Variants in ITM2C observed in about 807,000 individuals in gnomAD.
ITM2C encodes the protein BRICHOS domain containing 2C.
Under a neutral mutation model 30.0 loss-of-function variants are expected in ITM2C, and 20 were observed. That is an observed-to-expected ratio of 0.67 (90% CI 0.47 to 0.97). The LOEUF is 0.97. Ranked by LOEUF, ITM2C falls within the 50% of genes least tolerant of loss-of-function variation. The pLI is 0.00. For synonymous variants in ITM2C, 167 were observed against 156.4 expected (o/e 1.07, Z -0.51); for missense variants, 366 against 371.9 (o/e 0.98, Z 0.13).
chr2:230,871,632 C>T, intron 1 of ITM2C, among the ~76,000 whole-genome samples: 1 of 152,230 alleles, frequency 6.6e-6, no homozygotes, highest in East Asian at 1.9e-4. Flanking sequence ...GCCCCGGCCT[C>T]CTCATGGGCC....
intron 3 of ITM2C, 26 bp downstream of exon 3, chr2:230,875,834 GGGGGGT>G: frequency 2.5e-6 from 1 of 400,352 alleles, no homozygotes; most frequent in Non-Finnish European, 4.9e-6. Flanking sequence ...GCCTGGGGGT[GGGGGGT>G]GGGAGGGTGT....
chr2:230,875,591 C>T (rs1254354003), intron 2 of ITM2C, 29 bp from the exon 3 acceptor site: 2 of 1,563,484 alleles, frequency 1.3e-6, no homozygotes, highest in Non-Finnish European at 1.7e-6. Context: ...GCCTCTCTGA[C>T]TGTCTGTCTG....
In ITM2C at chr2:230,877,851, C is replaced by T. The variant is rs976984546; in HGVS notation, c.713-157C>T. ...GTGGCAGACATGGGCAGGCTGACTC[C>T]AGCTTTCGAGCTCTCCCCATTTCTC... On this transcript the variant is annotated intron_variant, in intron 5 of 5. Coordinates refer to ENST00000326427, the MANE Select transcript of ITM2C (RefSeq NM_030926.6). This position sits in a 1 kb window ranked among gnomAD's most constrained non-coding sequence, Gnocchi z 4.8. 6.6e-6 allele frequency among the ~76,000 whole-genome samples: 1 copy of T among 152,204 alleles called. No homozygotes were observed. Among genetic ancestry groups the T allele is most frequent in the Non-Finnish European group, 1.5e-5 (1 of 68,028 alleles).
At chr2:230,874,417 C>T (rs887014190) in intron 2 of ITM2C, among the ~76,000 whole-genome samples, 2 of 152,152 alleles carry the variant, frequency 1.3e-5, no homozygotes, top group African/African-American at 4.8e-5. Context: ...TTCCAGGGTC[C>T]TGTGTGGGAC....
In ITM2C at chr2:230,877,987, G is replaced by A. The variant is rs1441678197; in HGVS notation, c.713-21G>A. 1 of 1,604,804 alleles carries A rather than the reference G, an allele frequency of 6.2e-7. No homozygotes were observed. The highest frequency in any genetic ancestry group is 1.1e-5 in the South Asian group (1 of 90,792). ...TCAGCCAGGATGCAGGGCTCACTGG[G>A]GTTTTTCTTTTTCCTCCCAGGGATC... On this transcript the variant is annotated intron_variant, in intron 5 of 5. Transcript: ENST00000326427. This position sits in a 1 kb window ranked among gnomAD's most constrained non-coding sequence, Gnocchi z 4.8.
rs765286905 is a variant in ITM2C at position 230,875,626 on chromosome 2, C to A, written c.268C>A (p.Arg90=). 1 of 1,600,884 alleles carries A rather than the reference C, an allele frequency of 6.2e-7. No homozygotes were observed. Reference sequence around the variant, plus strand: ...GTCTCTCCGCCTTGCTCAGCTGGCCCGAGATAACTTCTTCCGCTGTGGTGT... The same window carrying A: ...GTCTCTCCGCCTTGCTCAGCTGGCCAGAGATAACTTCTTCCGCTGTGGTGT... The part of the protein sequence containing the change: ...YRYFFLAQLA[R]DNFFRCGVLY... The change falls in exon 3 of 6, where the codon CGA becomes AGA. Residue 90 remains arginine (R), a synonymous_variant. Transcript: ENST00000326427.
chr2:230,869,500 G>T (rs1363785537), intron 1 of ITM2C, among the ~76,000 whole-genome samples: 1 of 152,200 alleles, frequency 6.6e-6, no homozygotes, highest in Non-Finnish European at 1.5e-5. Flanking sequence ...GGGAAAGAAA[G>T]CTGCTGAGGA....
chr2:230,878,270 A>C lies in ITM2C; in HGVS notation c.*171A>C. The C allele has an allele frequency of 2.3e-6, 1 of 427,358 alleles. No homozygotes were observed. The highest frequency in any genetic ancestry group is 5.1e-5 in the South Asian group (1 of 19,644). The allele number at this position is 427,358 out of a possible 1,614,324, so 26.5% of individuals were successfully genotyped here. On this transcript the variant is annotated 3_prime_UTR_variant, in exon 6 of 6. Transcript: ENST00000326427. The surrounding 1 kb of genome is among the most constrained non-coding windows in gnomAD (Gnocchi z 4.5). ...CCCACCTCCCTGTACCAGAGCTGTG[A>C]TCTCTCGGTGGGGGGCCCATCTCTG... is the stretch of plus-strand genomic sequence containing the variant.
At chr2:230,874,592 G>A (rs184554086) in intron 2 of ITM2C, among the ~76,000 whole-genome samples, 1 of 152,324 alleles carries the variant, frequency 6.6e-6, no homozygotes, top group East Asian at 1.9e-4. Context: ...ACAGTATTCG[G>A]GGTGTCCAGC....
At chr2:230,864,889 G>A, upstream of ITM2C, 1 of 1,090,592 alleles carries the variant, frequency 9.2e-7, no homozygotes, top group Non-Finnish European at 1.2e-6. The surrounding 1 kb of genome is among the most constrained non-coding windows in gnomAD (Gnocchi z 4.3). Flanking sequence ...GGGGCGGGGA[G>A]GGCTGGGGGT....
intron 1 of ITM2C, among the ~76,000 whole-genome samples, chr2:230,871,799 G>T (rs1394168482): frequency 1.3e-5 from 2 of 152,232 alleles, no homozygotes; most frequent in Admixed American, 1.3e-4. Flanking sequence ...TGAAGGGGGG[G>T]TCCTCCAGAC....
At chr2:230,871,170 C>T (rs1204125742) in intron 1 of ITM2C, among the ~76,000 whole-genome samples, 1 of 152,248 alleles carries the variant, frequency 6.6e-6, no homozygotes, top group Non-Finnish European at 1.5e-5. Flanking sequence ...TGCAGGGCCC[C>T]GCTGGGCCTG....
chr2:230,867,588 G>GTGAC (rs1697058790), intron 1 of ITM2C, among the ~76,000 whole-genome samples: 1 of 152,176 alleles, frequency 6.6e-6, no homozygotes, highest in African/African-American at 2.4e-5. Context: ...CTGGCTGGCA[G>GTGAC]TGACCCCAGA....
chr2:230,864,870 CGCGGGGACGGG>C (rs1038510529), upstream of ITM2C: 39 of 992,568 alleles, frequency 3.9e-5, no homozygotes, highest in Non-Finnish European at 4.6e-5. The surrounding 1 kb of genome is among the most constrained non-coding windows in gnomAD (Gnocchi z 4.3). Flanking sequence ...GGGGCCCTCC[CGCGGGGACGGG>C]GCGGGGAGGG....
rs75577827 is a variant in ITM2C at position 230,868,760 on chromosome 2, G to A, written c.120+3615G>A. 9.6e-3 allele frequency among the ~76,000 whole-genome samples: 1,465 copies of A among 152,282 alleles called. 20 individuals are homozygous for A. The highest frequency in any genetic ancestry group is 0.034 in the African/African-American group (1,405 of 41,554). ...GGGAGGGTCCCGTGCCAGCCAGGAG[G>A]GCAAATCTGGCCAGCTTAGCCCTAC... is the stretch of plus-strand genomic sequence containing the variant. On this transcript the variant is annotated intron_variant, in intron 1 of 5. Transcript: ENST00000326427.
upstream of ITM2C, chr2:230,864,879 G>C: frequency 2.9e-6 from 3 of 1,023,236 alleles, no homozygotes; most frequent in Non-Finnish European, 2.5e-6. The surrounding 1 kb of genome is among the most constrained non-coding windows in gnomAD (Gnocchi z 4.3). Context: ...CCGCGGGGAC[G>C]GGGCGGGGAG....
intron 3 of ITM2C, 93 bp downstream of exon 3, chr2:230,875,901 T>G: frequency 9.6e-7 from 1 of 1,039,170 alleles, no homozygotes; most frequent in Non-Finnish European, 1.4e-6. Context: ...CTCCTCGGAG[T>G]ACAGCAGGTG....
At chr2:230,871,893 G>A (rs1290294692) in intron 1 of ITM2C, among the ~76,000 whole-genome samples, 2 of 152,248 alleles carry the variant, frequency 1.3e-5, no homozygotes, top group East Asian at 3.8e-4. Context: ...TGCTCTAAAA[G>A]GGTGGGAGGT....
Position 230,865,265 on chromosome 2 carries a change from A to T in ITM2C, c.120+120A>T. On this transcript the variant is annotated intron_variant, in intron 1 of 5. Transcript: ENST00000326427. The surrounding 1 kb of genome is among the most constrained non-coding windows in gnomAD (Gnocchi z 6.8). ...AGGGCCCCAGAGCCCGGGGTGGAGCAGGGTTGGGAAGTCTCGAATGGTTGC... is the reference window on the plus strand; with the variant it reads ...AGGGCCCCAGAGCCCGGGGTGGAGCTGGGTTGGGAAGTCTCGAATGGTTGC... 9.3e-7 allele frequency: 1 copy of T among 1,070,508 alleles called. No individual in the cohort carries two copies. The allele number at this position is 1,070,508 out of a possible 1,614,324, so 66.3% of individuals were successfully genotyped here.
Sources: gnomAD v4.1 joint callset for allele counts (sites outside exome capture counted in the v4.1 genomes callset) on GRCh38, gnomAD v4.1.1 for gene constraint, Gnocchi (gnomAD v3.1) non-coding constraint, MANE v1.5 for transcripts, NCBI Gene and HGNC (gene_info 2026-07-23, HGNC 2026-07-21) for gene names.